IGSF21: variants seen among roughly 807,000 people sequenced by gnomAD.
IGSF21 encodes immunoglobulin superfamily member 21.
Under a neutral mutation model 46.8 loss-of-function variants are expected in IGSF21, and 28 were observed. The ratio of observed to expected loss-of-function variants is 0.60; its 90% CI spans 0.44 to 0.82. The LOEUF (loss-of-function observed/expected upper bound fraction) is 0.82. Ranked by LOEUF, IGSF21 falls within the 40% of genes least tolerant of loss-of-function variation. The pLI is 0.00. For synonymous variants in IGSF21, 284 were observed against 273.6 expected (o/e 1.04, Z -0.38); for missense variants, 624 against 665.5 (o/e 0.94, Z 0.69).
At chr1:18,121,003 G>A (rs571400588) in intron 1 of IGSF21, among the ~76,000 whole-genome samples, 34 of 152,042 alleles carry the variant, frequency 2.2e-4, no homozygotes, top group Non-Finnish European at 4.3e-4. Flanking sequence ...ACACGGAGAC[G>A]TTCTTTCTCC....
Position 18,365,552 on chromosome 1 carries a change from C to T in IGSF21, c.870C>T (p.Ser290=). Residue 290 remains serine, a synonymous_variant, in exon 6 of 10, where the codon AGC becomes AGT. Transcript: ENST00000251296. The surrounding 1 kb of genome is among the most constrained non-coding windows in gnomAD (Gnocchi z 4.8). ...SAEPTYFLRH[S]RTPSSDGTVE... ...AGCCCACCTACTTCCTGCGCCACAGCCGCACCCCGAGCAGTGACGGCACTG... is the reference window on the plus strand; with the variant it reads ...AGCCCACCTACTTCCTGCGCCACAGTCGCACCCCGAGCAGTGACGGCACTG... 6.2e-7 allele frequency: 1 copy of T among 1,614,174 alleles called. No homozygotes were observed. The highest frequency in any genetic ancestry group is 8.5e-7 in the Non-Finnish European group (1 of 1,180,046).
At chr1:18,339,426 C>A (rs373531849) in intron 4 of IGSF21, among the ~76,000 whole-genome samples, 2 of 152,192 alleles carry the variant, frequency 1.3e-5, no homozygotes, top group Non-Finnish European at 2.9e-5. Flanking sequence ...CGAGCCCTAA[C>A]TAGGTGGCTC....
chr1:18,205,629 G>A (rs1265840858), intron 1 of IGSF21, among the ~76,000 whole-genome samples: 3 of 152,182 alleles, frequency 2.0e-5, no homozygotes, highest in African/African-American at 7.2e-5. Flanking sequence ...AAGAGACACT[G>A]CCCAAGCGTT....
rs570025546 is a variant in IGSF21, at chr1:18,109,630, G to C, written c.70+1432G>C. On this transcript the variant is annotated intron_variant, in intron 1 of 9. Coordinates refer to ENST00000251296, the MANE Select transcript of IGSF21 (RefSeq NM_032880.5). The surrounding 1 kb of genome is among the most constrained non-coding windows in gnomAD (Gnocchi z 4.8). ...CCCGGAAGGTGGTCCTGACAGCGAGGGGGGAGGGGTTGGTGTAACCCAGAA... is the reference window on the plus strand; with the variant it reads ...CCCGGAAGGTGGTCCTGACAGCGAGCGGGGAGGGGTTGGTGTAACCCAGAA... 5.9e-5 allele frequency: 9 copies of C among 152,526 alleles called. No homozygotes were observed. The highest frequency in any genetic ancestry group is 2.0e-4 in the Admixed American group (3 of 15,308). 9.4% of individuals were successfully genotyped at this position (152,526 alleles called of 1,614,324 possible).
intron 6 of IGSF21, among the ~76,000 whole-genome samples, chr1:18,369,206 G>A (rs966406651): frequency 6.6e-6 from 1 of 152,172 alleles, no homozygotes; most frequent in South Asian, 2.1e-4. Context: ...AGCCTCCCTC[G>A]ACTGCTGAGT....
intron 1 of IGSF21, chr1:18,114,094 TG>T (rs2086165730): frequency 6.6e-6 from 1 of 152,202 alleles, no homozygotes; most frequent in Non-Finnish European, 1.5e-5. Context: ...TGCCAGTCAG[TG>T]CACTCTTGGT....
intron 6 of IGSF21, among the ~76,000 whole-genome samples, chr1:18,369,106 G>A (rs1182295748): frequency 6.6e-6 from 1 of 152,162 alleles, no homozygotes; most frequent in Non-Finnish European, 1.5e-5. Flanking sequence ...ACACACCGGG[G>A]GATTTGGGGC....
chr1:18,349,886 C>T (rs942182955), intron 4 of IGSF21, among the ~76,000 whole-genome samples: 1 of 133,064 alleles, frequency 7.5e-6, no homozygotes, highest in Non-Finnish European at 1.7e-5. Flanking sequence ...TAGGGAGACC[C>T]CATCTCTTAA....
At chr1:18,244,635 G>C (rs2084767101) in intron 2 of IGSF21, among the ~76,000 whole-genome samples, 1 of 152,216 alleles carries the variant, frequency 6.6e-6, no homozygotes, top group Non-Finnish European at 1.5e-5. Context: ...AGAGCCCTCT[G>C]TGTCTCAGGC....
intron 2 of IGSF21, among the ~76,000 whole-genome samples, chr1:18,275,369 G>A (rs1221089562): frequency 6.6e-6 from 1 of 152,168 alleles, no homozygotes; most frequent in Non-Finnish European, 1.5e-5. Flanking sequence ...AAGCCAAGGG[G>A]ATGGAGAACT....
intron 3 of IGSF21, among the ~76,000 whole-genome samples, chr1:18,298,770 G>T (rs554000880): frequency 1.3e-5 from 2 of 152,352 alleles, no homozygotes; most frequent in Admixed American, 1.3e-4. Context: ...GAGGCACATA[G>T]CTACGGTGCA....
intron 2 of IGSF21, among the ~76,000 whole-genome samples, chr1:18,247,048 CTTT>C (rs34980016): frequency 1.6e-4 from 20 of 122,394 alleles, no homozygotes; most frequent in Admixed American, 2.5e-4. Flanking sequence ...AGCTGGAATT[CTTT>C]TTTTTTTTTT....
intron 2 of IGSF21, among the ~76,000 whole-genome samples, chr1:18,228,868 A>C (rs919187102): frequency 6.6e-6 from 1 of 152,104 alleles, no homozygotes; most frequent in African/African-American, 2.4e-5. Context: ...CAGTTACTCA[A>C]CTCTGCTGGT....
Position 18,205,400 on chromosome 1 carries a change from AAGCTACCTTTCC to A in IGSF21, c.71-22494_71-22483del, listed in dbSNP as rs2084308301. 2.0e-5 allele frequency among the ~76,000 whole-genome samples: 3 copies of A among 152,230 alleles called. No homozygotes were observed. In the South Asian group the frequency reaches 6.2e-4, roughly 32 times the overall value. On this transcript the variant is annotated intron_variant, in intron 1 of 9. Transcript: ENST00000251296. ...TCTTCCAGAGCCAGGTAGGAGTAGG[AAGCTACCTTTCC>A]AGCGAGAAAAATCATCCTGTTTGTA...
At chr1:18,372,893 A>C (rs576422186) in intron 6 of IGSF21, among the ~76,000 whole-genome samples, 1 of 139,810 alleles carries the variant, frequency 7.2e-6, no homozygotes, top group East Asian at 2.1e-4. Context: ...TGGATGGATG[A>C]GTGGGTGAAT....
chr1:18,281,820 G>C (rs559095423), intron 2 of IGSF21, among the ~76,000 whole-genome samples: 1 of 152,266 alleles, frequency 6.6e-6, no homozygotes, highest in South Asian at 2.1e-4. Flanking sequence ...ATGATCACCT[G>C]GTCTGGAGGA....
At chr1:18,275,662 C>A (rs1247434421) in intron 2 of IGSF21, among the ~76,000 whole-genome samples, 1 of 152,196 alleles carries the variant, frequency 6.6e-6, no homozygotes, top group Non-Finnish European at 1.5e-5. Flanking sequence ...ACCTTCCATG[C>A]TAGGTGTCCG....
intron 3 of IGSF21, 134 bp downstream of exon 3, chr1:18,292,121 C>A: frequency 3.2e-6 from 3 of 951,660 alleles, no homozygotes; most frequent in Non-Finnish European, 4.7e-6. Context: ...ACTGGGGGCT[C>A]CCCTTATGGA....
In IGSF21 at chr1:18,365,673, C is replaced by T; in HGVS notation, c.991C>T (p.Pro331Ser). Residue 331 changes from proline to serine, a missense_variant, in exon 6 of 10, where the codon CCC (proline) becomes TCC (serine). Physicochemically the swap from Pro to Ser is moderately conservative, Grantham distance 74 (BLOSUM62 -1). Transcript: ENST00000251296. This position sits in a 1 kb window ranked among gnomAD's most constrained non-coding sequence, Gnocchi z 4.8. ...CEVKHPALSM[P>S]MQAEVTLVAP... Reference sequence around the variant, plus strand: ...GGTCAAGCACCCAGCTCTGTCGATGCCCATGCAGGCAGAGGTCACGCTGGG... The same window carrying T: ...GGTCAAGCACCCAGCTCTGTCGATGTCCATGCAGGCAGAGGTCACGCTGGG... 6.2e-7 allele frequency: 1 copy of T among 1,613,364 alleles called. No homozygotes were observed.
Sources: allele counts gnomAD v4.1 joint callset (sites outside exome capture counted in the v4.1 genomes callset), GRCh38; gene constraint gnomAD v4.1.1; non-coding constraint Gnocchi (gnomAD v3.1); transcripts MANE v1.5; gene names NCBI Gene and HGNC (gene_info 2026-07-23, HGNC 2026-07-21).